The following HEPACAM2 variants were observed in gnomAD, a reference collection of about 807,000 sequenced individuals.
HEPACAM2 encodes HEPACAM family member 2, also known as mitotic kinetics regulator.
Under a neutral mutation model 49.6 loss-of-function variants are expected in HEPACAM2, and 49 were observed. The observed-to-expected ratio is 0.99, with a 90% CI of 0.78 to 1.25. HEPACAM2 has a LOEUF of 1.25. Ranked by LOEUF, HEPACAM2 falls within the 50% of genes most tolerant of loss-of-function variation. The probability of loss-of-function intolerance (pLI) is 0.00; values close to 1 mark genes in which losing one functional copy is unlikely to be tolerated. For missense variants in HEPACAM2, 525 were observed against 557.2 expected, an observed-to-expected ratio of 0.94 and a Z score of 0.58; for synonymous variants, 197 against 202.9, an observed-to-expected ratio of 0.97 and a Z score of 0.25.
chr7:93,189,112 C>T lies in HEPACAM2; in HGVS notation c.*155G>A. 1.7e-6 allele frequency: 1 copy of T among 571,830 alleles called. No individual in the cohort carries two copies. Among genetic ancestry groups the T allele is most frequent in the Non-Finnish European group, 3.1e-6 (1 of 327,404 alleles). The allele number at this position is 571,830 out of a possible 1,614,324, so 35.4% of individuals were successfully genotyped here. On this transcript the variant is annotated 3_prime_UTR_variant, in exon 10 of 10. Transcript: ENST00000394468. ...GCTGAAAAACCTGCAGTTCAATTTGCATAAATGCCTCTATTCTGCATGTAA... is the reference window on the plus strand; with the variant it reads ...GCTGAAAAACCTGCAGTTCAATTTGTATAAATGCCTCTATTCTGCATGTAA...
intron 3 of HEPACAM2, among the ~76,000 whole-genome samples, chr7:93,213,424 A>G (rs1794226471): frequency 6.6e-6 from 1 of 152,076 alleles, no homozygotes; most frequent in Non-Finnish European, 1.5e-5. Context: ...AACCCTTCAC[A>G]GAAACAGTGC....
rs1163986052 is a variant in HEPACAM2 at position 93,192,330 on chromosome 7, C to T, written c.1309G>A (p.Val437Ile). 4 of 1,612,556 alleles carry T rather than the reference C, an allele frequency of 2.5e-6. No individual in the cohort carries two copies. The highest frequency in any genetic ancestry group is 3.3e-4 in the Middle Eastern group (2 of 6,062). ...PSRSVPASDC[V>I]SGQDLHSTVY... ...GTACTGTGCAAATCTTGCCCCGATACACAATCAGAGGCTGGAACAGACCTG... is the reference window on the plus strand; with the variant it reads ...GTACTGTGCAAATCTTGCCCCGATATACAATCAGAGGCTGGAACAGACCTG... The change falls in exon 9 of 10, where the codon GTA (valine) becomes ATA (isoleucine). Residue 437 changes from valine to isoleucine, a missense_variant. Val to Ile is a conservative substitution (Grantham distance 29, BLOSUM62 3). Coordinates refer to ENST00000394468, the MANE Select transcript of HEPACAM2 (RefSeq NM_001039372.4).
intron 4 of HEPACAM2, among the ~76,000 whole-genome samples, chr7:93,201,660 T>C (rs762167580): frequency 6.6e-6 from 1 of 152,106 alleles, no homozygotes; most frequent in Non-Finnish European, 1.5e-5. Context: ...CTAATCATTA[T>C]AGAAGAAACA....
intron 5 of HEPACAM2, 27 bp from the exon 6 acceptor site, chr7:93,197,424 T>C: frequency 7.6e-6 from 12 of 1,588,336 alleles, no homozygotes; most frequent in Non-Finnish European, 1.0e-5. Context: ...AGAAAAATGG[T>C]AAGGTTTTTT....
At chr7:93,231,501 T>C in the HEPACAM2 span, among the ~76,000 whole-genome samples, 1 of 152,346 alleles carries the variant, frequency 6.6e-6, no homozygotes, top group South Asian at 2.1e-4. Context: ...TGAAATCATA[T>C]ATTTAAAGCT....
At chr7:93,227,583 A>G (rs1312200880), upstream of HEPACAM2, among the ~76,000 whole-genome samples, 1 of 152,178 alleles carries the variant, frequency 6.6e-6, no homozygotes, top group Admixed American at 6.5e-5. Context: ...GGACTTCTAT[A>G]AGCAAAGAAA....
At chr7:93,189,953 A>C (rs1051786897) in intron 9 of HEPACAM2, among the ~76,000 whole-genome samples, 1 of 152,034 alleles carries the variant, frequency 6.6e-6, no homozygotes, top group African/African-American at 2.4e-5. Context: ...GATAATCAGG[A>C]AAGAAAAATG....
At chr7:93,197,442 A>G in intron 5 of HEPACAM2, 43 bp downstream of exon 5, 1 of 1,566,858 alleles carries the variant, frequency 6.4e-7, no homozygotes, top group Non-Finnish European at 8.6e-7. Flanking sequence ...TTTTTAGTAC[A>G]CATATATACA....
intron 3 of HEPACAM2, among the ~76,000 whole-genome samples, chr7:93,214,970 G>T (rs1318734721): frequency 1.3e-5 from 2 of 152,160 alleles, no homozygotes; most frequent in African/African-American, 4.8e-5. Flanking sequence ...AGAAAGAATT[G>T]ATGTAAAGAA....
At chr7:93,207,559 T>C (rs940465948) in intron 4 of HEPACAM2, among the ~76,000 whole-genome samples, 1 of 151,460 alleles carries the variant, frequency 6.6e-6, no homozygotes, top group Admixed American at 6.6e-5. Flanking sequence ...AAAATGTATC[T>C]GAGAAATAGG....
intron 4 of HEPACAM2, 84 bp downstream of exon 4, chr7:93,208,496 C>T (rs1794085822): frequency 1.8e-6 from 2 of 1,119,784 alleles, no homozygotes; most frequent in Admixed American, 4.8e-5. Flanking sequence ...ATTTTCTTTT[C>T]TACCTAGGTA....
At chr7:93,228,928 C>A (rs565844394), upstream of HEPACAM2, among the ~76,000 whole-genome samples, 2 of 151,650 alleles carry the variant, frequency 1.3e-5, no homozygotes, top group Non-Finnish European at 2.9e-5. Context: ...ATTTTTATTA[C>A]CTCTCAAATC....
rs552594961 is a variant in HEPACAM2, at chr7:93,208,182, T to C, written c.1012+398A>G. ...AAAGACAGTGAGAAGGGGAATCAAA[T>C]AGAAGTAGGAAAACCAGATTCCCAA... On this transcript the variant is annotated intron_variant, in intron 4 of 9. Coordinates refer to ENST00000394468, the MANE Select transcript of HEPACAM2 (RefSeq NM_001039372.4). 2.6e-5 allele frequency among the ~76,000 whole-genome samples: 4 copies of C among 152,126 alleles called. 1 individual carries two copies. Among genetic ancestry groups the C allele is most frequent in the African/African-American group, 9.6e-5 (4 of 41,538 alleles).
At chr7:93,220,022 T>C (rs1794413822) in intron 1 of HEPACAM2, among the ~76,000 whole-genome samples, 1 of 152,086 alleles carries the variant, frequency 6.6e-6, no homozygotes, top group African/African-American at 2.4e-5. Context: ...AACAGGCATC[T>C]GGTTGGTGTA....
chr7:93,217,792 A>G (rs2116711061), intron 2 of HEPACAM2, among the ~76,000 whole-genome samples: 1 of 152,102 alleles, frequency 6.6e-6, no homozygotes, highest in East Asian at 1.9e-4. Context: ...GTAGTAATAA[A>G]AGCTATGAAA....
At chr7:93,200,401 A>G (rs1223009183) in intron 4 of HEPACAM2, among the ~76,000 whole-genome samples, 2 of 152,166 alleles carry the variant, frequency 1.3e-5, no homozygotes, top group Non-Finnish European at 2.9e-5. Flanking sequence ...CAATTTAACC[A>G]TTGGCTAATT....
At chr7:93,191,434 C>T (rs1311819793) in intron 9 of HEPACAM2, among the ~76,000 whole-genome samples, 1 of 152,058 alleles carries the variant, frequency 6.6e-6, no homozygotes, top group Admixed American at 6.6e-5. Context: ...CAGAAGTGTG[C>T]ATGAATTACT....
chr7:93,219,565 T>C (rs1276969395), intron 1 of HEPACAM2, 114 bp from the exon 2 acceptor site: 1 of 1,541,406 alleles, frequency 6.5e-7, no homozygotes, highest in East Asian at 2.3e-5. Flanking sequence ...AAGAGTGGCT[T>C]CTAGGTACTG....
intron 4 of HEPACAM2, among the ~76,000 whole-genome samples, chr7:93,201,402 T>C (rs957728461): frequency 3.3e-5 from 5 of 152,096 alleles, no homozygotes; most frequent in African/African-American, 1.2e-4. Flanking sequence ...CTCTCTCCTT[T>C]CTTGTCCTAA....
Sources: allele counts gnomAD v4.1 joint callset (sites outside exome capture counted in the v4.1 genomes callset), GRCh38; gene constraint gnomAD v4.1.1; transcripts MANE v1.5; gene names NCBI Gene and HGNC (gene_info 2026-07-23, HGNC 2026-07-21).